The following CEP44 variants were observed in gnomAD, a reference collection of about 807,000 sequenced individuals.
CEP44 encodes the protein centrosomal protein 44, also known as centrosomal protein of 44 kDa.
In CEP44, 45 loss-of-function variants were observed where a neutral mutation model predicts 46.7. The observed-to-expected ratio is 0.96, with a 90% confidence interval of 0.76 to 1.24. The LOEUF is 1.24. Among genes scored for constraint, CEP44 ranks in the 50% most tolerant of loss-of-function variants. CEP44 has a pLI of 0.00. For synonymous variants in CEP44, 142 were observed against 146.0 expected, an observed-to-expected ratio of 0.97 and a Z score of 0.20; for missense variants, 475 against 459.7, an observed-to-expected ratio of 1.03 and a Z score of -0.30.
At position 174,304,244 on chromosome 4, in the gene CEP44, T is replaced by A. The variant is rs1478082918; in HGVS notation, c.385-3T>A. 1.9e-6 allele frequency: 3 copies of A among 1,577,584 alleles called. No homozygotes were observed. The highest frequency in any genetic ancestry group is 4.5e-5 in the East Asian group (2 of 44,384). On this transcript the variant is annotated splice_region_variant and splice_polypyrimidine_tract_variant and intron_variant, in intron 5 of 11. Transcript: ENST00000503780. ...TTATTTTGACTAATACCTTTTTTTTTAGATTCCATCACAACAAAGAAAGAA... is the reference window on the plus strand; with the variant it reads ...TTATTTTGACTAATACCTTTTTTTTAAGATTCCATCACAACAAAGAAAGAA...
intron 6 of CEP44, 42 bp downstream of exon 6, chr4:174,304,411 T>C (rs1740143742): frequency 1.3e-6 from 2 of 1,590,376 alleles, no homozygotes; most frequent in Non-Finnish European, 1.7e-6. Flanking sequence ...TTAAGAGTTA[T>C]CTAATTAATC....
chr4:174,333,193 A>T (rs1435414698), exon 9 of CEP44: 1 of 151,094 alleles, frequency 6.6e-6, no homozygotes, highest in African/African-American at 2.4e-5. Flanking sequence ...GTGGTTAATT[A>T]GAGAGCGTAA....
downstream of CEP44, among the ~76,000 whole-genome samples, chr4:174,324,836 T>G (rs1239902341): frequency 6.6e-6 from 1 of 152,112 alleles, no homozygotes; most frequent in East Asian, 1.9e-4. Flanking sequence ...AGGGGATGTC[T>G]CACCCTCTTC....
chr4:174,309,995 C>G lies in CEP44; in HGVS notation c.824C>G (p.Thr275Ser). ...MKGKVMVDEN[T>S]WTNLLSRVTL... is the part of the protein sequence containing the mutation. ...GGAAAAGTGATGGTAGATGAAAACA[C>G]CTGGACTAATCTTCTTAGTCGTGTC... The change falls in exon 8 of 12, where the codon ACC becomes AGC. Residue 275 changes from threonine to serine, a missense_variant. Coordinates refer to ENST00000503780, the MANE Select transcript of CEP44 (RefSeq NM_001040157.3). The surrounding 1 kb of genome is among the most constrained non-coding windows in gnomAD (Gnocchi z 5.3). The G allele has an allele frequency of 6.2e-7, 1 of 1,612,738 alleles. No individual in the cohort carries two copies. Among genetic ancestry groups the G allele is most frequent in the African/African-American group, 1.3e-5 (1 of 74,962 alleles).
intron 11 of CEP44, chr4:174,316,800 G>A (rs1294124360): frequency 2.8e-6 from 1 of 358,602 alleles, no homozygotes; most frequent in East Asian, 5.3e-5. Context: ...AATTGTTAAT[G>A]GAATTAACTG....
rs958291628 is a variant in CEP44 at position 174,329,109 on chromosome 4, G to C, written c.1087-2373G>C. 6.6e-5 allele frequency among the ~76,000 whole-genome samples: 10 copies of C among 151,858 alleles called. No homozygotes were observed. Among genetic ancestry groups the C allele is most frequent in the African/African-American group, 2.4e-4 (10 of 41,320 alleles). On this transcript the variant is annotated intron_variant, in intron 8 of 8. Transcript: ENST00000426172. This position sits in a 1 kb window ranked among gnomAD's most constrained non-coding sequence, Gnocchi z 4.0. ...CTACAGATGTGTGCCACTGCACCTG[G>C]ATTTTTTTTTATTGGTATTTTTTCG...
chr4:174,317,954 T>A lies in CEP44; in HGVS notation c.*571T>A, dbSNP rs1312639006. On this transcript the variant is annotated 3_prime_UTR_variant, in exon 12 of 12. Coordinates refer to ENST00000503780, the MANE Select transcript of CEP44 (RefSeq NM_001040157.3). Reference sequence around the variant, plus strand: ...AATTAAGGTTAAGATTCTCCTTTTGTACTGGGAAACAGGCTGGAGGACTAT... The same window carrying A: ...AATTAAGGTTAAGATTCTCCTTTTGAACTGGGAAACAGGCTGGAGGACTAT... The A allele has an allele frequency of 1.0e-6, 1 of 985,314 alleles. No individual in the cohort carries two copies. Among genetic ancestry groups the A allele is most frequent in the Non-Finnish European group, 1.2e-6 (1 of 829,908 alleles). The allele number at this position is 985,314 out of a possible 1,614,324, so 61.0% of individuals were successfully genotyped here.
At chr4:174,304,077 A>G (rs550611939) in intron 5 of CEP44, among the ~76,000 whole-genome samples, 170 bp from the exon 6 acceptor site, 2 of 152,346 alleles carry the variant, frequency 1.3e-5, no homozygotes, top group Admixed American at 6.5e-5. Flanking sequence ...TAGTTCAAAC[A>G]TAATACATTT....
chr4:174,289,749 T>C (rs1480472570), intron 1 of CEP44, among the ~76,000 whole-genome samples: 2 of 152,138 alleles, frequency 1.3e-5, no homozygotes, highest in African/African-American at 4.8e-5. Flanking sequence ...ATCTAATCTT[T>C]ATTATTTTCT....
intron 6 of CEP44, among the ~76,000 whole-genome samples, chr4:174,307,682 G>A (rs545363849): frequency 6.6e-6 from 1 of 152,030 alleles, no homozygotes; most frequent in Non-Finnish European, 1.5e-5. Context: ...GACACCCTCC[G>A]GAGTGGGAGA....
At chr4:174,313,630 G>A (rs1741344521) in intron 9 of CEP44, among the ~76,000 whole-genome samples, 1 of 152,190 alleles carries the variant, frequency 6.6e-6, no homozygotes. Context: ...AGGATAATTT[G>A]AAGAGAATTT....
At chr4:174,295,533 G>A (rs1435832918) in intron 1 of CEP44, among the ~76,000 whole-genome samples, 6 of 143,212 alleles carry the variant, frequency 4.2e-5, no homozygotes, top group East Asian at 2.2e-4. Flanking sequence ...GGCTCCTCAC[G>A]TCCCAGACGA....
In CEP44 at chr4:174,319,048, A is replaced by G. The variant is rs1742044252; in HGVS notation, c.*1665A>G. 1.6e-6 allele frequency: 1 copy of G among 627,716 alleles called. No individual in the cohort carries two copies. The highest frequency in any genetic ancestry group is 2.0e-5 in the African/African-American group (1 of 49,886). The allele number at this position is 627,716 out of a possible 1,614,324, so 38.9% of individuals were successfully genotyped here. ...GTTCTCAAACTCGTGAGCTAAAGCT[A>G]CTCGCCCACCTGGATGTCCCAAAGT... is the stretch of plus-strand genomic sequence containing the variant. On this transcript the variant is annotated 3_prime_UTR_variant, in exon 12 of 12. Coordinates refer to ENST00000503780, the MANE Select transcript of CEP44 (RefSeq NM_001040157.3).
intron 1 of CEP44, among the ~76,000 whole-genome samples, chr4:174,284,991 T>A (rs1440790899): frequency 6.6e-6 from 1 of 152,202 alleles, no homozygotes; most frequent in East Asian, 1.9e-4. Context: ...CTAACAGCAA[T>A]GAGATTGAGC....
At position 174,287,040 on chromosome 4, in the gene CEP44, G is replaced by T. The variant is rs576101297; in HGVS notation, c.-148+3097G>T. On this transcript the variant is annotated intron_variant, in intron 1 of 11. Transcript: ENST00000503780. This position sits in a 1 kb window ranked among gnomAD's most constrained non-coding sequence, Gnocchi z 5.1. ...AAGTAGACAGCTGGCTAACCAGCAG[G>T]AGTTTGGGACCGATGACAGTGCAAA... Among the ~76,000 whole-genome samples, 5 of 152,172 alleles carry T rather than the reference G, an allele frequency of 3.3e-5. No individual in the cohort carries two copies. Among genetic ancestry groups the T allele is most frequent in the Admixed American group, 2.0e-4 (3 of 15,276 alleles).
intron 1 of CEP44, among the ~76,000 whole-genome samples, chr4:174,294,819 T>C (rs1302948362): frequency 9.0e-6 from 1 of 111,142 alleles, no homozygotes; most frequent in African/African-American, 3.5e-5. Context: ...CCCCCCCACC[T>C]CCCTCCCGGA....
At position 174,286,130 on chromosome 4, in the gene CEP44, A is replaced by G. The variant is rs1018194029; in HGVS notation, c.-148+2187A>G. ...AAGTATATTCAATAAGCTGTTGCCT[A>G]CCATGTTGATAAAGGAGACTAGGAA... is the stretch of plus-strand genomic sequence containing the variant. On this transcript the variant is annotated intron_variant, in intron 1 of 11. Transcript: ENST00000503780. The surrounding 1 kb of genome is among the most constrained non-coding windows in gnomAD (Gnocchi z 5.2). 2.6e-5 allele frequency among the ~76,000 whole-genome samples: 4 copies of G among 152,226 alleles called. No individual in the cohort carries two copies. The highest frequency in any genetic ancestry group is 7.2e-5 in the African/African-American group (3 of 41,454).
At chr4:174,293,944 G>T (rs1367920404) in intron 1 of CEP44, among the ~76,000 whole-genome samples, 2 of 151,792 alleles carry the variant, frequency 1.3e-5, no homozygotes, top group African/African-American at 4.8e-5. Context: ...TAGGCTTTAT[G>T]GCCATTCTAA....
downstream of CEP44, among the ~76,000 whole-genome samples, chr4:174,323,040 C>T (rs1742422377): frequency 6.6e-6 from 1 of 151,690 alleles, no homozygotes; most frequent in South Asian, 2.1e-4. Flanking sequence ...CACTAAAAGG[C>T]AGCAAATTTT....
Sources: allele counts gnomAD v4.1 joint callset (sites outside exome capture counted in the v4.1 genomes callset), GRCh38; gene constraint gnomAD v4.1.1; non-coding constraint Gnocchi (gnomAD v3.1); transcripts MANE v1.5; gene names NCBI Gene and HGNC (gene_info 2026-07-23, HGNC 2026-07-21).